The following ADGRL3 variants were observed in gnomAD, a reference collection of about 807,000 sequenced individuals.
ADGRL3 encodes the protein adhesion G protein-coupled receptor L3.
In ADGRL3, 62 loss-of-function variants were observed where a neutral mutation model predicts 153.5. The ratio of observed to expected loss-of-function variants is 0.40; its 90% CI spans 0.33 to 0.50. The LOEUF is 0.50. Among genes scored for constraint, ADGRL3 ranks in the 20% least tolerant of loss-of-function variants. The probability of loss-of-function intolerance (pLI) is 0.47; values close to 1 mark genes in which losing one functional copy is unlikely to be tolerated. For synonymous variants in ADGRL3, 710 were observed against 672.5 expected, an observed-to-expected ratio of 1.06 and a Z score of -0.86; for missense variants, 1,641 against 1,859.4, an observed-to-expected ratio of 0.88 and a Z score of 2.16.
chr4:61,298,242 C>G (rs948496417), intron 1 of ADGRL3, among the ~76,000 whole-genome samples: 1 of 151,974 alleles, frequency 6.6e-6, no homozygotes, highest in Non-Finnish European at 1.5e-5. Context: ...CCCTCGCCCC[C>G]CAAATGCATG....
chr4:61,274,787 T>A (rs1334960594), intron 1 of ADGRL3, among the ~76,000 whole-genome samples: 1 of 151,872 alleles, frequency 6.6e-6, no homozygotes, highest in Non-Finnish European at 1.5e-5. Flanking sequence ...AAACAAAAAC[T>A]GCTTGGTGTG....
At chr4:61,541,346 A>AT (rs3075146) in intron 4 of ADGRL3, among the ~76,000 whole-genome samples, 37,200 of 103,040 alleles carry the variant, frequency 0.36, 6,982 homozygotes, top group Non-Finnish European at 0.44. Context: ...TCTGGTAGAG[A>AT]TTTTTTTTTT....
At chr4:61,583,853 C>A (rs2098935758) in intron 4 of ADGRL3, among the ~76,000 whole-genome samples, 1 of 152,020 alleles carries the variant, frequency 6.6e-6, no homozygotes, top group Non-Finnish European at 1.5e-5. Context: ...TGGTAAGGAG[C>A]ATAAGAAGGT....
At chr4:61,663,086 C>A (rs919187529) in intron 5 of ADGRL3, among the ~76,000 whole-genome samples, 2 of 152,186 alleles carry the variant, frequency 1.3e-5, no homozygotes, top group Non-Finnish European at 2.9e-5. Context: ...GTACCTCATT[C>A]TTCCTGAACA....
At chr4:61,623,236 A>C (rs1428715554) in intron 5 of ADGRL3, among the ~76,000 whole-genome samples, 15 of 152,028 alleles carry the variant, frequency 9.9e-5, no homozygotes, top group Non-Finnish European at 1.5e-5. Context: ...TAAGTTCCTC[A>C]GTTGTTCTTG....
chr4:61,958,276 T>C (rs1420702140), intron 17 of ADGRL3, among the ~76,000 whole-genome samples: 1 of 152,194 alleles, frequency 6.6e-6, no homozygotes, highest in Non-Finnish European at 1.5e-5. Context: ...CCATGTTATA[T>C]GGTATAAGAC....
chr4:61,795,873 A>C (rs935543420), intron 8 of ADGRL3, among the ~76,000 whole-genome samples: 2 of 152,106 alleles, frequency 1.3e-5, no homozygotes, highest in African/African-American at 4.8e-5. Context: ...GACAGAGTCT[A>C]GCTCTGTCGC....
At chr4:61,791,003 T>TG (rs1215312706) in intron 8 of ADGRL3, among the ~76,000 whole-genome samples, 3 of 152,112 alleles carry the variant, frequency 2.0e-5, no homozygotes, top group African/African-American at 7.2e-5. Context: ...ACATTGGAAT[T>TG]GTGGGAGTTA....
chr4:61,767,766 G>A (rs1015833229), intron 8 of ADGRL3, among the ~76,000 whole-genome samples: 1 of 152,192 alleles, frequency 6.6e-6, no homozygotes, highest in Non-Finnish European at 1.5e-5. Context: ...GTTCCTGGGG[G>A]AGGAGGTTCT....
At chr4:61,224,945 T>A (rs2149082447) in intron 1 of ADGRL3, among the ~76,000 whole-genome samples, 1 of 152,312 alleles carries the variant, frequency 6.6e-6, no homozygotes, top group South Asian at 2.1e-4. Flanking sequence ...CTGAATGTAA[T>A]GCCAACCATC....
intron 8 of ADGRL3, among the ~76,000 whole-genome samples, chr4:61,757,335 T>A (rs2096847390): frequency 6.6e-6 from 1 of 152,218 alleles, no homozygotes; most frequent in Non-Finnish European, 1.5e-5. Context: ...AACTTTTTCC[T>A]GGTTTAGTCT....
intron 9 of ADGRL3, among the ~76,000 whole-genome samples, chr4:61,863,533 G>A (rs879859682): frequency 4.0e-5 from 6 of 151,602 alleles, no homozygotes; most frequent in East Asian, 2.0e-4. Context: ...CACCGTGCCC[G>A]GCCTGGGCAT....
At chr4:62,052,334 G>T (rs1734660948) in intron 25 of ADGRL3, among the ~76,000 whole-genome samples, 1 of 151,438 alleles carries the variant, frequency 6.6e-6, no homozygotes, top group South Asian at 2.1e-4. Context: ...ATGGAAAATA[G>T]ATATTCTTAA....
intron 9 of ADGRL3, among the ~76,000 whole-genome samples, chr4:61,863,702 G>A (rs2098372131): frequency 6.6e-6 from 1 of 152,140 alleles, no homozygotes; most frequent in Admixed American, 6.5e-5. Flanking sequence ...TTAGTTGTGG[G>A]AGGAATTTAG....
intron 9 of ADGRL3, among the ~76,000 whole-genome samples, chr4:61,880,433 G>T (rs185663578): frequency 6.6e-6 from 1 of 152,086 alleles, no homozygotes; most frequent in Non-Finnish European, 1.5e-5. Context: ...ATTTAGTCTG[G>T]AGTGTTAATC....
chr4:61,818,262 C>T (rs1434248343), intron 9 of ADGRL3, among the ~76,000 whole-genome samples: 1 of 152,082 alleles, frequency 6.6e-6, no homozygotes, highest in East Asian at 1.9e-4. Context: ...ACCATGCAGG[C>T]CCAAAATTCA....
At chr4:61,289,250 A>G (rs1270258070) in intron 1 of ADGRL3, among the ~76,000 whole-genome samples, 3 of 151,970 alleles carry the variant, frequency 2.0e-5, no homozygotes, top group Non-Finnish European at 2.9e-5. Context: ...AAGAGATGCT[A>G]GATATATTTT....
intron 12 of ADGRL3, 58 bp downstream of exon 12, chr4:61,909,803 CTT>C: frequency 2.2e-6 from 2 of 894,396 alleles, no homozygotes; most frequent in Non-Finnish European, 1.5e-6. Context: ...GTGTGTGTGT[CTT>C]TAAAGTTGTA....
intron 22 of ADGRL3, among the ~76,000 whole-genome samples, chr4:62,029,497 A>G (rs1385847132): frequency 6.6e-6 from 1 of 151,714 alleles, no homozygotes; most frequent in Non-Finnish European, 1.5e-5. Context: ...TACTAATCTA[A>G]CAAATATGAA....
Sources: gnomAD v4.1 joint callset for allele counts (sites outside exome capture counted in the v4.1 genomes callset) on GRCh38, gnomAD v4.1.1 for gene constraint, MANE v1.5 for transcripts, NCBI Gene and HGNC (gene_info 2026-07-23, HGNC 2026-07-21) for gene names.